PLD5: variants seen among roughly 807,000 people sequenced by gnomAD.
PLD5 encodes the protein phospholipase D family member 5, also known as inactive phospholipase D5.
Under a neutral mutation model 61.1 loss-of-function variants are expected in PLD5, and 36 were observed. That is an observed-to-expected ratio of 0.59 (90% CI 0.45 to 0.78). The LOEUF is 0.78. PLD5 is among the 30% of genes least tolerant of loss of function. The pLI is 0.00. For missense variants in PLD5, 515 were observed against 644.4 expected, an observed-to-expected ratio of 0.80 and a Z score of 2.17; for synonymous variants, 243 against 242.8, an observed-to-expected ratio of 1.00 and a Z score of -0.01.
At chr1:242,331,487 T>C (rs1323701716) in intron 2 of PLD5, among the ~76,000 whole-genome samples, 2 of 151,896 alleles carry the variant, frequency 1.3e-5, no homozygotes, top group Non-Finnish European at 2.9e-5. Flanking sequence ...AACTCATCTC[T>C]CATGGAAATG....
At chr1:242,211,998 G>A (rs1156731160) in intron 5 of PLD5, among the ~76,000 whole-genome samples, 2 of 152,186 alleles carry the variant, frequency 1.3e-5, no homozygotes, top group Non-Finnish European at 2.9e-5. Context: ...TGGAACAAGT[G>A]GGGAGAAATC....
At chr1:242,451,802 G>C (rs551800331) in intron 1 of PLD5, among the ~76,000 whole-genome samples, 1 of 151,834 alleles carries the variant, frequency 6.6e-6, no homozygotes, top group Non-Finnish European at 1.5e-5. Context: ...AGGTAAAACC[G>C]AGACTACTCT....
intron 1 of PLD5, among the ~76,000 whole-genome samples, chr1:242,500,239 CA>C (rs1179388840): frequency 6.6e-6 from 1 of 152,206 alleles, no homozygotes; most frequent in Non-Finnish European, 1.5e-5. Context: ...AAAACAAACT[CA>C]TGCATCTTGG....
chr1:242,456,561 A>G (rs936013269), intron 1 of PLD5, among the ~76,000 whole-genome samples: 2 of 152,246 alleles, frequency 1.3e-5, no homozygotes, highest in Non-Finnish European at 2.9e-5. Flanking sequence ...GCAAGTTTGC[A>G]TATTTAGAAT....
At chr1:242,247,284 A>G (rs1295377912) in intron 4 of PLD5, among the ~76,000 whole-genome samples, 24 of 152,144 alleles carry the variant, frequency 1.6e-4, no homozygotes, top group Admixed American at 1.2e-3. Flanking sequence ...GCCCGGCCTT[A>G]GGGATTCTTT....
intron 1 of PLD5, among the ~76,000 whole-genome samples, chr1:242,489,960 A>C (rs908240756): frequency 1.3e-5 from 2 of 152,222 alleles, no homozygotes; most frequent in Non-Finnish European, 2.9e-5. Flanking sequence ...CTTTGTCACC[A>C]GATTCTTGAC....
intron 1 of PLD5, among the ~76,000 whole-genome samples, chr1:242,372,620 G>A (rs1403034325): frequency 6.6e-6 from 1 of 152,052 alleles, no homozygotes; most frequent in East Asian, 1.9e-4. Flanking sequence ...ACAGAACAGA[G>A]CCCTCAGAAA....
intron 9 of PLD5, among the ~76,000 whole-genome samples, chr1:242,095,557 C>T (rs532426313): frequency 4.9e-4 from 74 of 152,126 alleles, no homozygotes; most frequent in Non-Finnish European, 9.0e-4. Flanking sequence ...ATCAAAAGTA[C>T]ATTTTTTAAA....
intron 5 of PLD5, among the ~76,000 whole-genome samples, chr1:242,137,260 A>C (rs374549106): frequency 8.1e-4 from 124 of 152,320 alleles, no homozygotes; most frequent in African/African-American, 2.8e-3. Flanking sequence ...CCTCTCCAGC[A>C]CACAGCACAA....
At chr1:242,321,000 A>G (rs1156244605) in intron 2 of PLD5, among the ~76,000 whole-genome samples, 3 of 152,252 alleles carry the variant, frequency 2.0e-5, no homozygotes, top group Non-Finnish European at 4.4e-5. Context: ...CTCATCGGAG[A>G]TCTGCTAACT....
chr1:242,256,449 A>G lies in PLD5; in HGVS notation c.607+8888T>C, dbSNP rs1035050096. On this transcript the variant is annotated intron_variant, in intron 4 of 9. Coordinates refer to ENST00000536534, the MANE Select transcript of PLD5 (RefSeq NM_001372062.1). This position sits in a 1 kb window ranked among gnomAD's most constrained non-coding sequence, Gnocchi z 5.7. ...CAGTATTAAGTGGTGGGGTCTTTGG[A>G]AAGTGACTGAGTCACGAATGTATTG... Among the ~76,000 whole-genome samples the G allele has an allele frequency of 3.9e-5, 6 of 152,314 alleles. No individual in the cohort carries two copies. In the South Asian group the frequency reaches 8.3e-4, roughly 21 times the overall value.
At chr1:242,184,305 C>T (rs931966053) in intron 5 of PLD5, among the ~76,000 whole-genome samples, 3 of 152,216 alleles carry the variant, frequency 2.0e-5, no homozygotes, top group African/African-American at 7.2e-5. Flanking sequence ...ACAGCACCTA[C>T]GTGAATTTGC....
chr1:242,111,357 G>A (rs180861101), intron 7 of PLD5, among the ~76,000 whole-genome samples: 58 of 152,004 alleles, frequency 3.8e-4, no homozygotes, highest in Admixed American at 1.8e-3. Context: ...GTGCCTGGCC[G>A]GCTTCTGAAT....
intron 1 of PLD5, among the ~76,000 whole-genome samples, chr1:242,444,680 A>ATTT (rs1451216848): frequency 1.4e-4 from 9 of 63,898 alleles, no homozygotes; most frequent in Admixed American, 4.0e-4. Context: ...TACATAATAT[A>ATTT]AATATTTATA....
At chr1:242,491,962 A>G (rs1668167223) in intron 1 of PLD5, among the ~76,000 whole-genome samples, 1 of 152,242 alleles carries the variant, frequency 6.6e-6, no homozygotes, top group Non-Finnish European at 1.5e-5. Context: ...CTAGACATTT[A>G]TCACAGGCTT....
chr1:242,386,842 G>A (rs1662630394), intron 1 of PLD5, among the ~76,000 whole-genome samples: 1 of 152,204 alleles, frequency 6.6e-6, no homozygotes, highest in South Asian at 2.1e-4. Context: ...ATTATACAAT[G>A]TTTTGTAGAC....
intron 6 of PLD5, among the ~76,000 whole-genome samples, chr1:242,115,683 TTC>T (rs2148710328): frequency 7.2e-6 from 1 of 139,564 alleles, no homozygotes; most frequent in South Asian, 2.2e-4. Flanking sequence ...TGGAGTTTTT[TTC>T]TTTTCTCCAA....
chr1:242,094,582 T>C (rs1326347125), intron 9 of PLD5, among the ~76,000 whole-genome samples: 1 of 152,206 alleles, frequency 6.6e-6, no homozygotes, highest in Non-Finnish European at 1.5e-5. Context: ...GGGTTGAGTA[T>C]TTTTATACTA....
At chr1:242,423,796 C>T (rs891799486) in intron 1 of PLD5, among the ~76,000 whole-genome samples, 1 of 152,152 alleles carries the variant, frequency 6.6e-6, no homozygotes, top group Non-Finnish European at 1.5e-5. Context: ...ACTGCTCCCC[C>T]TCCACTGCCT....
Sources: gnomAD v4.1 joint callset for allele counts (sites outside exome capture counted in the v4.1 genomes callset) on GRCh38, gnomAD v4.1.1 for gene constraint, Gnocchi (gnomAD v3.1) non-coding constraint, MANE v1.5 for transcripts, NCBI Gene and HGNC (gene_info 2026-07-23, HGNC 2026-07-21) for gene names.